Variants in SPPL2B observed in about 807,000 individuals in gnomAD.
SPPL2B encodes signal peptide peptidase-like 2B.
SPPL2B carries 39 observed loss-of-function variants against 59.7 expected under a neutral mutation model. The observed-to-expected ratio is 0.65, with a 90% CI of 0.51 to 0.85. SPPL2B has a LOEUF of 0.85. Ranked by LOEUF, SPPL2B falls within the 40% of genes least tolerant of loss-of-function variation. The probability of loss-of-function intolerance (pLI) is 0.00; values close to 1 mark genes in which losing one functional copy is unlikely to be tolerated. For synonymous variants in SPPL2B, 419 were observed against 370.8 expected (o/e 1.13, Z -1.49); for missense variants, 865 against 849.0 (o/e 1.02, Z -0.23).
chr19:2,331,255 C>T (rs913661504), intron 1 of SPPL2B, among the ~76,000 whole-genome samples: 3 of 152,332 alleles, frequency 2.0e-5, no homozygotes, highest in African/African-American at 4.8e-5. Flanking sequence ...GTTTCAAAGG[C>T]CCTTGATGTG....
chr19:2,345,190 C>A (rs911197533), intron 12 of SPPL2B, 63 bp from the exon 13 acceptor site: 2 of 1,473,050 alleles, frequency 1.4e-6, no homozygotes, highest in Admixed American at 1.8e-5. Flanking sequence ...CGCCCGCTCC[C>A]AGGAAGCCCC....
chr19:2,343,424 G>A, intron 9 of SPPL2B, 132 bp downstream of exon 9: 1 of 792,676 alleles, frequency 1.3e-6, no homozygotes, highest in Admixed American at 2.3e-5. Context: ...GGCCGCCTAG[G>A]CCTGTTGTGA....
At chr19:2,348,682 C>CTG (rs1969657048) in intron 13 of SPPL2B, among the ~76,000 whole-genome samples, 1 of 144,576 alleles carries the variant, frequency 6.9e-6, no homozygotes, top group African/African-American at 2.7e-5. Context: ...CACTCACGCT[C>CTG]TCATTCGCTT....
intron 13 of SPPL2B, among the ~76,000 whole-genome samples, chr19:2,350,478 C>T (rs1184116853): frequency 6.6e-6 from 1 of 151,194 alleles, no homozygotes; most frequent in African/African-American, 2.4e-5. Flanking sequence ...CACACACTCA[C>T]GCTTTCATTC....
In SPPL2B at chr19:2,332,168, C is replaced by T. The variant is rs1055975913; in HGVS notation, c.67-2434C>T. Among the ~76,000 whole-genome samples, 5 of 152,206 alleles carry T rather than the reference C, an allele frequency of 3.3e-5. No individual in the cohort carries two copies. Among genetic ancestry groups the T allele is most frequent in the African/African-American group, 1.2e-4 (5 of 41,440 alleles). On this transcript the variant is annotated intron_variant, in intron 1 of 14. Transcript: ENST00000613503. The surrounding 1 kb of genome is among the most constrained non-coding windows in gnomAD (Gnocchi z 4.6). ...TGGGGCAGCTGTGGGAAGGAAGCAG[C>T]ATTAGCCAAGAGCTATGAGACCCCC...
At chr19:2,349,823 TTCTC>T (rs368678771) in intron 13 of SPPL2B, among the ~76,000 whole-genome samples, 7 of 133,964 alleles carry the variant, frequency 5.2e-5, no homozygotes, top group South Asian at 2.6e-4. Context: ...CTTGACTCTG[TTCTC>T]TCTCTCCACA....
chr19:2,341,439 G>A (rs1003342747), intron 8 of SPPL2B: 8 of 454,966 alleles, frequency 1.8e-5, no homozygotes, highest in Non-Finnish European at 3.5e-5. Flanking sequence ...CGGCTTCTGA[G>A]CAGTGGTGGA....
chr19:2,348,138 C>G (rs1599246043), intron 13 of SPPL2B, among the ~76,000 whole-genome samples: 2 of 102,900 alleles, frequency 1.9e-5, no homozygotes, highest in South Asian at 4.0e-4. Flanking sequence ...CACTCACGCT[C>G]TCATTCGCTT....
At chr19:2,348,952 CGCGCTG>C (rs1969695939) in intron 13 of SPPL2B, among the ~76,000 whole-genome samples, 1 of 150,068 alleles carries the variant, frequency 6.7e-6, no homozygotes. Context: ...CACACACTCA[CGCGCTG>C]TCATTCGCTT....
rs140384303 is a variant in SPPL2B, at chr19:2,335,427, C to T, written c.186+706C>T. Among the ~76,000 whole-genome samples the T allele has an allele frequency of 7.1e-5, 10 of 140,338 alleles. 1 individual carries two copies. Among genetic ancestry groups the T allele is most frequent in the South Asian group, 2.5e-4 (1 of 4,064 alleles). 92.1% of individuals were successfully genotyped at this position (140,338 alleles called of 152,430 possible). A position where few individuals can be genotyped will look rare whatever the true frequency, so the allele number is the denominator to read the frequency against. ...CCACTGCATGCTTCAGGCCCCGCCT[C>T]CTTTCCCACTGCATGCTTCAGGCCC... On this transcript the variant is annotated intron_variant, in intron 2 of 14. Coordinates refer to ENST00000613503, the MANE Select transcript of SPPL2B (RefSeq NM_152988.3).
intron 1 of SPPL2B, among the ~76,000 whole-genome samples, chr19:2,333,775 AGCT>A (rs1015951082): frequency 6.6e-6 from 1 of 152,026 alleles, no homozygotes; most frequent in Non-Finnish European, 1.5e-5. Flanking sequence ...GCCTTCTCTG[AGCT>A]GCTGCTGCTG....
In SPPL2B at chr19:2,343,236, C is replaced by G. The variant is rs1969160754; in HGVS notation, c.982C>G (p.Leu328Val). 6.4e-7 allele frequency: 1 copy of G among 1,555,872 alleles called. No homozygotes were observed. Among genetic ancestry groups the G allele is most frequent in the Non-Finnish European group, 8.7e-7 (1 of 1,149,392 alleles). ...DQWAWVLQDALGIAFCLYMLK... is the reference protein window; with the variant it reads ...DQWAWVLQDAVGIAFCLYMLK... Reference sequence around the variant, plus strand: ...GTGGGCCTGGGTCCTCCAGGATGCCCTGGGCATCGCCTTCTGCCTCTACAT... The same window carrying G: ...GTGGGCCTGGGTCCTCCAGGATGCCGTGGGCATCGCCTTCTGCCTCTACAT... Residue 328 changes from leucine (L) to valine (V), a missense_variant, in exon 9 of 15, where the codon CTG becomes GTG. Physicochemically the swap from Leu to Val is conservative, Grantham distance 32. Coordinates refer to ENST00000613503, the MANE Select transcript of SPPL2B (RefSeq NM_152988.3).
chr19:2,331,861 T>A (rs1968308574), intron 1 of SPPL2B, among the ~76,000 whole-genome samples: 1 of 152,228 alleles, frequency 6.6e-6, no homozygotes, highest in Non-Finnish European at 1.5e-5. Context: ...AGACCCTTCC[T>A]TAGGAATGGG....
intron 13 of SPPL2B, among the ~76,000 whole-genome samples, chr19:2,347,751 C>T (rs1447987472): frequency 1.9e-5 from 1 of 52,958 alleles, no homozygotes; most frequent in Non-Finnish European, 3.6e-5. Flanking sequence ...CGCCTGATTC[C>T]GTTCTCTCTC....
chr19:2,334,805 G>A (rs891437258), intron 2 of SPPL2B, 84 bp downstream of exon 2: 9 of 1,439,678 alleles, frequency 6.3e-6, no homozygotes, highest in East Asian at 5.3e-5. Context: ...TGGGGTTGCA[G>A]GAAAGATCCA....
intron 13 of SPPL2B, among the ~76,000 whole-genome samples, chr19:2,346,064 T>C (rs1278110028): frequency 1.3e-5 from 2 of 152,280 alleles, no homozygotes; most frequent in Non-Finnish European, 2.9e-5. Flanking sequence ...CTGTTTCTTT[T>C]GTTATGAACG....
Position 2,353,050 on chromosome 19 carries a change from A to G in SPPL2B, c.1620A>G (p.Pro540=). 6.2e-7 allele frequency: 1 copy of G among 1,612,106 alleles called. No individual in the cohort carries two copies. The highest frequency in any genetic ancestry group is 8.5e-7 in the Non-Finnish European group (1 of 1,179,636). Residue 540 remains proline, a synonymous_variant, in exon 15 of 15, where the codon CCA becomes CCG. Coordinates refer to ENST00000613503, the MANE Select transcript of SPPL2B (RefSeq NM_152988.3). The part of the protein sequence containing the change: ...PLSPQPPSEE[P]ATSPWPAEQS... Reference sequence around the variant, plus strand: ...CCCCGCAGCCGCCCAGCGAAGAACCAGCCACATCCCCCTGGCCTGCTGAGC... The same window carrying G: ...CCCCGCAGCCGCCCAGCGAAGAACCGGCCACATCCCCCTGGCCTGCTGAGC...
intron 5 of SPPL2B, 56 bp downstream of exon 5, chr19:2,339,264 CG>C (rs1968869045): frequency 2.1e-5 from 32 of 1,559,534 alleles, no homozygotes; most frequent in Non-Finnish European, 2.7e-5. Flanking sequence ...TGACACGGGC[CG>C]GGACGGCCAG....
chr19:2,339,284 A>G, intron 5 of SPPL2B, 76 bp downstream of exon 5: 1 of 1,516,692 alleles, frequency 6.6e-7, no homozygotes, highest in Non-Finnish European at 8.9e-7. Context: ...AGTCTTCCAG[A>G]ACAGCAGTGA....
Sources: allele counts gnomAD v4.1 joint callset (sites outside exome capture counted in the v4.1 genomes callset), GRCh38; gene constraint gnomAD v4.1.1; non-coding constraint Gnocchi (gnomAD v3.1); transcripts MANE v1.5; gene names NCBI Gene and HGNC (gene_info 2026-07-23, HGNC 2026-07-21).